Variants in RANBP2 observed in about 807,000 individuals in gnomAD.
RANBP2 encodes E3 SUMO-protein ligase RanBP2.
RANBP2 carries 57 observed loss-of-function variants against 303.6 expected under a neutral mutation model. The observed-to-expected ratio is 0.19, with a 90% CI of 0.15 to 0.23. RANBP2 has a LOEUF of 0.23. Ranked by LOEUF, RANBP2 falls within the 10% of genes least tolerant of loss-of-function variation. The probability of loss-of-function intolerance (pLI) is 1.00; values close to 1 mark genes in which losing one functional copy is unlikely to be tolerated. For synonymous variants in RANBP2, 1,167 were observed against 1,301.5 expected (o/e 0.90, Z 2.23); for missense variants, 3,138 against 3,780.8 (o/e 0.83, Z 4.46).
In RANBP2 at chr2:108,768,041, C is replaced by A. The variant is rs769103941; in HGVS notation, c.7502C>A (p.Ser2501Tyr). 2 of 1,611,970 alleles carry A rather than the reference C, an allele frequency of 1.2e-6. No homozygotes were observed. Among genetic ancestry groups the A allele is most frequent in the Non-Finnish European group, 1.7e-6 (2 of 1,179,854 alleles). ...ATSEVEVSSTSETTPKAVVSP... is the reference protein window; with the variant it reads ...ATSEVEVSSTYETTPKAVVSP... ...TCAGAAGTTGAAGTGTCTAGCACAT[C>A]TGAAACAACACCAAAAGCAGTGGTT... is the stretch of plus-strand genomic sequence containing the variant. Residue 2501 changes from serine to tyrosine, a missense_variant, in exon 20 of 29, where the codon TCT (serine) becomes TAT (tyrosine). Ser to Tyr is a moderately radical substitution (Grantham distance 144). This residue lies in a region of RANBP2 where 497 missense variants were observed against 465.8 expected (regional missense o/e 1.07). Coordinates refer to ENST00000283195, the MANE Select transcript of RANBP2 (RefSeq NM_006267.5).
chr2:108,762,741 G>GCTTAGAACTATATAATAA (rs1676815024), intron 19 of RANBP2, among the ~76,000 whole-genome samples: 3 of 151,020 alleles, frequency 2.0e-5, no homozygotes, highest in Non-Finnish European at 2.9e-5. Flanking sequence ...AGATAATAAT[G>GCTTAGAACTATATAATAA]TAAAGTGCTT....
chr2:109,412,343 A>G, the RANBP2 span, among the ~76,000 whole-genome samples: 1 of 152,228 alleles, frequency 6.6e-6, no homozygotes, highest in Non-Finnish European at 1.5e-5. Flanking sequence ...GGCAGGCTTC[A>G]GGCAGGCCAC....
At chr2:109,203,319 C>T in the RANBP2 span, among the ~76,000 whole-genome samples, 2 of 152,228 alleles carry the variant, frequency 1.3e-5, no homozygotes, top group Admixed American at 6.5e-5. Context: ...ACGCAGCAGA[C>T]AGTGGCGCAG....
chr2:109,403,734 C>T, the RANBP2 span, among the ~76,000 whole-genome samples: 3 of 152,196 alleles, frequency 2.0e-5, no homozygotes, highest in African/African-American at 7.2e-5. Flanking sequence ...AGTTGCTGAA[C>T]CTCTTGGAGC....
the RANBP2 span, among the ~76,000 whole-genome samples, chr2:109,587,605 T>TA: frequency 1.3e-5 from 2 of 152,040 alleles, no homozygotes; most frequent in African/African-American, 2.4e-5. Flanking sequence ...AGCAAACTGC[T>TA]AAAAAACAAG....
chr2:109,664,699 G>A, the RANBP2 span, among the ~76,000 whole-genome samples: 4 of 152,034 alleles, frequency 2.6e-5, no homozygotes, highest in African/African-American at 4.8e-5. Flanking sequence ...GAAGGCCAAG[G>A]CAGGTGGACC....
At chr2:109,499,233 T>G in the RANBP2 span, among the ~76,000 whole-genome samples, 1 of 151,982 alleles carries the variant, frequency 6.6e-6, no homozygotes, top group African/African-American at 2.4e-5. Context: ...CCTCGGCGTC[T>G]GTGGAGATGG....
chr2:108,781,462 A>G lies in RANBP2; in HGVS notation c.8760+33A>G, dbSNP rs780696486. ...TTAAGGAATTAACCTTTTACTAATAACTTATTTTTCATTTTTAAGTTTTAC... is the reference window on the plus strand; with the variant it reads ...TTAAGGAATTAACCTTTTACTAATAGCTTATTTTTCATTTTTAAGTTTTAC... On this transcript the variant is annotated intron_variant, in intron 26 of 28. Transcript: ENST00000283195. The G allele has an allele frequency of 1.9e-6, 3 of 1,606,248 alleles. No homozygotes were observed. In the African/African-American group the frequency reaches 4.0e-5, roughly 21 times the overall value.
the RANBP2 span, among the ~76,000 whole-genome samples, chr2:109,608,909 C>A: frequency 6.6e-6 from 1 of 152,192 alleles, no homozygotes; most frequent in African/African-American, 2.4e-5. Context: ...TGCTCAAAAT[C>A]TAAAGCAGAG....
At chr2:108,977,109 A>T in the RANBP2 span, among the ~76,000 whole-genome samples, 1 of 151,950 alleles carries the variant, frequency 6.6e-6, no homozygotes, top group Non-Finnish European at 1.5e-5. Flanking sequence ...GGAGGCACTG[A>T]TGATTCCAGT....
chr2:109,765,365 C>T, the RANBP2 span, among the ~76,000 whole-genome samples: 1 of 150,280 alleles, frequency 6.7e-6, no homozygotes, highest in Admixed American at 6.8e-5. Context: ...TGGATATTTC[C>T]TGTCCTCTTT....
At chr2:109,128,874 G>GCTA in the RANBP2 span, 1 of 298,502 alleles carries the variant, frequency 3.4e-6, no homozygotes, top group Non-Finnish European at 6.9e-6. Context: ...GATGTCCTAG[G>GCTA]GGACCAGGCT....
the RANBP2 span, among the ~76,000 whole-genome samples, chr2:109,183,000 C>T: frequency 2.6e-5 from 4 of 152,196 alleles, no homozygotes; most frequent in Admixed American, 6.5e-5. Context: ...GGTTTCAGAG[C>T]TCATCATCCT....
At chr2:109,490,828 T>C in the RANBP2 span, 1 of 1,536,924 alleles carries the variant, frequency 6.5e-7, no homozygotes, top group Non-Finnish European at 8.7e-7. Context: ...ATGGAGCCTC[T>C]GCACAGGAAG....
chr2:109,691,668 C>T, the RANBP2 span, among the ~76,000 whole-genome samples: 1 of 152,094 alleles, frequency 6.6e-6, no homozygotes, highest in Non-Finnish European at 1.5e-5. Flanking sequence ...TAGGGAGGGA[C>T]AAGCAACCAG....
At chr2:109,450,875 T>C in the RANBP2 span, among the ~76,000 whole-genome samples, 5 of 152,352 alleles carry the variant, frequency 3.3e-5, no homozygotes, top group East Asian at 9.7e-4. Context: ...TTGACATCTT[T>C]CCATATAAAA....
chr2:108,914,869 C>T, the RANBP2 span, among the ~76,000 whole-genome samples: 1 of 152,182 alleles, frequency 6.6e-6, no homozygotes, highest in Non-Finnish European at 1.5e-5. Context: ...CCTGGTCAGC[C>T]CATGCAGCAA....
the RANBP2 span, among the ~76,000 whole-genome samples, chr2:109,258,793 G>A: frequency 4.6e-5 from 7 of 152,248 alleles, no homozygotes; most frequent in African/African-American, 1.7e-4. Context: ...CCTAATAGGG[G>A]TAGGGTCTTG....
At chr2:109,170,880 C>G in the RANBP2 span, among the ~76,000 whole-genome samples, 2 of 152,184 alleles carry the variant, frequency 1.3e-5, no homozygotes, top group South Asian at 4.1e-4. Flanking sequence ...GCGTCACCTT[C>G]CTCTGTTCAA....
Sources: gnomAD v4.1 joint callset for allele counts (sites outside exome capture counted in the v4.1 genomes callset) on GRCh38, gnomAD v4.1.1 for gene constraint, gnomAD v4.1.1 regional missense constraint, MANE v1.5 for transcripts, NCBI Gene and HGNC (gene_info 2026-07-23, HGNC 2026-07-21) for gene names.